Variants in RSPRY1 observed in about 807,000 individuals in gnomAD.
RSPRY1 encodes the protein ring finger and SPRY domain containing 1.
RSPRY1 carries 23 observed loss-of-function variants against 73.1 expected under a neutral mutation model. That is an observed-to-expected ratio of 0.31 (90% CI 0.23 to 0.45). The LOEUF is 0.45. Among genes scored for constraint, RSPRY1 ranks in the 20% least tolerant of loss-of-function variants. The pLI is 1.00. For synonymous variants in RSPRY1, 226 were observed against 251.4 expected, an observed-to-expected ratio of 0.90 and a Z score of 0.95; for missense variants, 448 against 698.7, an observed-to-expected ratio of 0.64 and a Z score of 4.05.
chr16:57,191,024 A>G (rs1009375886), intron 1 of RSPRY1, among the ~76,000 whole-genome samples: 1 of 152,238 alleles, frequency 6.6e-6, no homozygotes. Flanking sequence ...TGAACTCTGC[A>G]CATAGCTTTC....
rs1555499008 is a variant in RSPRY1 at position 57,196,034 on chromosome 16, AAT to A, written c.-155-8452_-155-8451del. On this transcript the variant is annotated intron_variant, in intron 1 of 14. Transcript: ENST00000394420. ...AGACTTCATCTCAAAAAAAAAAAAA[AAT>A]ATATATATATATATATAGGTATTAC... Among the ~76,000 whole-genome samples, 58 of 122,784 alleles carry A rather than the reference AAT, an allele frequency of 4.7e-4. 1 individual carries two copies. Among genetic ancestry groups the A allele is most frequent in the East Asian group, 2.1e-3 (9 of 4,274 alleles). The allele number at this position is 122,784 out of a possible 152,430, so 80.6% of individuals were successfully genotyped here.
At chr16:57,229,141 C>A (rs1358736736) in intron 11 of RSPRY1, among the ~76,000 whole-genome samples, 1 of 152,148 alleles carries the variant, frequency 6.6e-6, no homozygotes, top group East Asian at 1.9e-4. Flanking sequence ...CAAGACAAAA[C>A]CCTTAGAAGT....
rs531640360 is a variant in RSPRY1 at position 57,201,582 on chromosome 16, G to T, written c.-155-2922G>T. Among the ~76,000 whole-genome samples, 31 of 152,348 alleles carry T rather than the reference G, an allele frequency of 2.0e-4. 1 individual carries two copies. The highest frequency in any genetic ancestry group is 3.4e-3 in the Middle Eastern group (1 of 294). ...GCGGCCGGGCAGAGGCTGCAATCTC[G>T]GCACTTTGGGGGGCCAAGGCAGGCA... On this transcript the variant is annotated intron_variant, in intron 1 of 14. Coordinates refer to ENST00000394420, the MANE Select transcript of RSPRY1 (RefSeq NM_133368.3).
intron 1 of RSPRY1, among the ~76,000 whole-genome samples, chr16:57,201,884 T>G (rs1017086777): frequency 2.0e-5 from 3 of 151,694 alleles, no homozygotes; most frequent in South Asian, 2.1e-4. Context: ...AGGCAGGGAG[T>G]TTGCAGTGAG....
At chr16:57,186,782 C>T (rs1171646836) in intron 1 of RSPRY1, 2 of 152,148 alleles carry the variant, frequency 1.3e-5, no homozygotes, top group African/African-American at 4.8e-5. Flanking sequence ...CTAACAGGGC[C>T]CAGGTGAGAG....
At chr16:57,231,825 C>T (rs1418327489) in intron 13 of RSPRY1, among the ~76,000 whole-genome samples, 6 of 152,148 alleles carry the variant, frequency 3.9e-5, no homozygotes, top group African/African-American at 1.4e-4. Flanking sequence ...GCAAAGATGA[C>T]AACACTGTTC....
chr16:57,221,003 G>C (rs1024536680), intron 9 of RSPRY1, among the ~76,000 whole-genome samples, 156 bp downstream of exon 9: 2 of 152,176 alleles, frequency 1.3e-5, no homozygotes, highest in African/African-American at 4.8e-5. Flanking sequence ...AGCTGCTTAT[G>C]AACAGAAGGT....
intron 1 of RSPRY1, among the ~76,000 whole-genome samples, chr16:57,203,556 T>G (rs1881914394): frequency 6.6e-6 from 1 of 152,232 alleles, no homozygotes; most frequent in South Asian, 2.1e-4. Context: ...CTCCTATTTC[T>G]AAATCTTTAC....
At chr16:57,226,620 T>C (rs1412855977) in intron 10 of RSPRY1, among the ~76,000 whole-genome samples, 1 of 152,206 alleles carries the variant, frequency 6.6e-6, no homozygotes, top group Non-Finnish European at 1.5e-5. Flanking sequence ...TGCTAATGCA[T>C]TATAATTAGC....
chr16:57,237,705 A>G (rs1440233165), intron 14 of RSPRY1, among the ~76,000 whole-genome samples: 1 of 151,498 alleles, frequency 6.6e-6, no homozygotes, highest in Non-Finnish European at 1.5e-5. Flanking sequence ...TTATTTATTT[A>G]TTTTTATTTA....
chr16:57,200,435 G>A (rs1205965318), intron 1 of RSPRY1, among the ~76,000 whole-genome samples: 1 of 152,136 alleles, frequency 6.6e-6, no homozygotes, highest in Non-Finnish European at 1.5e-5. Context: ...TCTCCCAGAC[G>A]GGGTGGTGGC....
At chr16:57,199,311 G>A (rs1180756630) in intron 1 of RSPRY1, among the ~76,000 whole-genome samples, 1 of 152,162 alleles carries the variant, frequency 6.6e-6, no homozygotes, top group African/African-American at 2.4e-5. Context: ...TGACCAACAT[G>A]GTGAAGATCT....
chr16:57,195,883 G>A (rs766213267), intron 1 of RSPRY1, among the ~76,000 whole-genome samples: 16 of 151,632 alleles, frequency 1.1e-4, no homozygotes, highest in African/African-American at 2.9e-4. Flanking sequence ...TTAGCTGAGC[G>A]TGGTGGCACG....
At chr16:57,222,684 A>G (rs1416139226) in intron 10 of RSPRY1, among the ~76,000 whole-genome samples, 2 of 152,218 alleles carry the variant, frequency 1.3e-5, no homozygotes, top group Admixed American at 1.3e-4. Context: ...CTATTCTACA[A>G]CAGTTGTTTT....
chr16:57,222,121 G>A (rs1347098249), intron 10 of RSPRY1, among the ~76,000 whole-genome samples: 1 of 151,650 alleles, frequency 6.6e-6, no homozygotes, highest in Non-Finnish European at 1.5e-5. Flanking sequence ...CATTTGAGGT[G>A]GGAAAAGCCC....
In RSPRY1 at chr16:57,229,690, C is replaced by CTTTTTTTTTT. The variant is rs1162737560; in HGVS notation, c.1274-997_1274-988dup. 1.2e-4 allele frequency among the ~76,000 whole-genome samples: 5 copies of CTTTTTTTTTT among 42,140 alleles called. 1 individual carries two copies. The highest frequency in any genetic ancestry group is 1.3e-3 in the South Asian group (1 of 770). The allele number at this position is 42,140 out of a possible 152,430, so 27.6% of individuals were successfully genotyped here. On this transcript the variant is annotated intron_variant, in intron 11 of 14. Transcript: ENST00000394420. ...TTTATCTGATAAGTGAAGATAAATG[C>CTTTTTTTTTT]TTTTTTTTTTTTTTTTTTTTTTTTT...
intron 5 of RSPRY1, among the ~76,000 whole-genome samples, 167 bp from the exon 6 acceptor site, chr16:57,213,721 A>G (rs1307804090): frequency 2.0e-5 from 3 of 152,222 alleles, no homozygotes; most frequent in African/African-American, 2.4e-5. Context: ...CTGTGGGCTC[A>G]CTTGCTTAAC....
chr16:57,205,054 C>A, intron 2 of RSPRY1, 46 bp downstream of exon 2: 7 of 1,445,282 alleles, frequency 4.8e-6, no homozygotes, highest in South Asian at 1.3e-5. Context: ...GAAAAGTGTT[C>A]TGCCCGGAAC....
intron 1 of RSPRY1, among the ~76,000 whole-genome samples, chr16:57,203,616 C>T (rs1455981532): frequency 1.3e-5 from 2 of 152,174 alleles, no homozygotes; most frequent in East Asian, 3.8e-4. Context: ...AGAGCTGGTT[C>T]TTTCATTAGG....
Sources: allele counts gnomAD v4.1 joint callset (sites outside exome capture counted in the v4.1 genomes callset), GRCh38; gene constraint gnomAD v4.1.1; transcripts MANE v1.5; gene names NCBI Gene and HGNC (gene_info 2026-07-23, HGNC 2026-07-21).